GPR158: variants seen among roughly 807,000 people sequenced by gnomAD.
GPR158 encodes G protein-coupled receptor 158, also known as metabotropic glycine receptor.
A neutral mutation model predicts 78.2 loss-of-function variants in GPR158; 30 were observed. That is an observed-to-expected ratio of 0.38 (90% CI 0.29 to 0.52). The LOEUF is 0.52. Among genes scored for constraint, GPR158 ranks in the 20% least tolerant of loss-of-function variants. The pLI is 0.83. For synonymous variants in GPR158, 581 were observed against 591.1 expected (o/e 0.98, Z 0.25); for missense variants, 1,463 against 1,523.5 (o/e 0.96, Z 0.66).
chr10:25,232,188 T>G (rs1441177177), intron 2 of GPR158, among the ~76,000 whole-genome samples: 1 of 152,156 alleles, frequency 6.6e-6, no homozygotes, highest in Non-Finnish European at 1.5e-5. Context: ...GCAGAAAAAT[T>G]GCTACTTGTC....
At chr10:25,324,383 C>T (rs1011503430) in intron 2 of GPR158, among the ~76,000 whole-genome samples, 4 of 152,010 alleles carry the variant, frequency 2.6e-5, no homozygotes, top group African/African-American at 9.7e-5. Flanking sequence ...ATAGAGAGGC[C>T]CCAGGAGTGA....
intron 2 of GPR158, among the ~76,000 whole-genome samples, chr10:25,319,791 G>T (rs1022827101): frequency 2.0e-5 from 3 of 151,132 alleles, no homozygotes; most frequent in African/African-American, 7.3e-5. Flanking sequence ...TATACTCATG[G>T]ATGGTGACAG....
intron 2 of GPR158, among the ~76,000 whole-genome samples, chr10:25,338,497 G>A (rs190841602): frequency 1.6e-4 from 20 of 121,556 alleles, no homozygotes; most frequent in African/African-American, 3.6e-4. Context: ...TATAATATAC[G>A]TATATATATT....
intron 4 of GPR158, among the ~76,000 whole-genome samples, chr10:25,439,861 A>G (rs1835045457): frequency 6.6e-6 from 1 of 152,178 alleles, no homozygotes; most frequent in Admixed American, 6.5e-5. Context: ...GTTCTTTGGC[A>G]TTCTCTCTTC....
In GPR158 at chr10:25,176,232, A is replaced by G. The variant is rs139528705; in HGVS notation, c.812A>G (p.Glu271Gly). The G allele has an allele frequency of 7.6e-4, 1,221 of 1,605,444 alleles. 4 individuals are homozygous for G. Among genetic ancestry groups the G allele is most frequent in the Non-Finnish European group, 9.8e-4 (1,148 of 1,176,960 alleles). Reference protein sequence around the residue: ...SHFKWSPPYLECENGSYKPGW... With the variant: ...SHFKWSPPYLGCENGSYKPGW... Reference sequence around the variant, plus strand: ...TTCAAGTGGTCTCCGCCTTATCTGGAGTGCGAGAACGGGAGTTACAAGCCC... The same window carrying G: ...TTCAAGTGGTCTCCGCCTTATCTGGGGTGCGAGAACGGGAGTTACAAGCCC... The change falls in exon 1 of 11, where the codon GAG (glutamate) becomes GGG (glycine). Residue 271 changes from glutamate (E) to glycine (G), a missense_variant. Coordinates refer to ENST00000376351, the MANE Select transcript of GPR158 (RefSeq NM_020752.3). This position sits in a 1 kb window ranked among gnomAD's most constrained non-coding sequence, Gnocchi z 6.3.
At chr10:25,252,022 C>CT (rs1298621588) in intron 2 of GPR158, among the ~76,000 whole-genome samples, 35 of 151,048 alleles carry the variant, frequency 2.3e-4, no homozygotes, top group South Asian at 2.1e-3. Context: ...TCTTTTTATT[C>CT]TTTTTTCTCT....
chr10:25,489,369 T>C (rs1250188537), intron 5 of GPR158, among the ~76,000 whole-genome samples: 3 of 152,140 alleles, frequency 2.0e-5, no homozygotes, highest in Non-Finnish European at 2.9e-5. Flanking sequence ...ATCCCATACT[T>C]CTAAGTTTTC....
chr10:25,343,852 A>T (rs1855335852), intron 2 of GPR158, among the ~76,000 whole-genome samples: 1 of 152,010 alleles, frequency 6.6e-6, no homozygotes, highest in Non-Finnish European at 1.5e-5. Context: ...TTGTCAACAT[A>T]TACTCAAGAA....
intron 5 of GPR158, among the ~76,000 whole-genome samples, chr10:25,486,381 T>TGA (rs71399975): frequency 0.72 from 109,732 of 151,806 alleles, 40,598 homozygotes; most frequent in East Asian, 0.99. Context: ...ACTAGCTGTG[T>TGA]CGTTGGGTTA....
intron 4 of GPR158, among the ~76,000 whole-genome samples, chr10:25,433,531 GGTGTGTGTGTGTGTGTTGTGTGTGT>G (rs1404612828): frequency 7.1e-6 from 1 of 140,290 alleles, no homozygotes; most frequent in African/African-American, 2.7e-5. Flanking sequence ...TTTAGTTAGG[GGTGTGTGTGTGTGTGTTGTGTGTGT>G]GTGTGTGTGT....
intron 2 of GPR158, among the ~76,000 whole-genome samples, chr10:25,391,968 C>T (rs1051055570): frequency 3.9e-5 from 6 of 152,056 alleles, no homozygotes; most frequent in Non-Finnish European, 7.4e-5. Flanking sequence ...ATAAGTCTCA[C>T]GAGATCTGAT....
At chr10:25,275,702 A>G (rs1242072827) in intron 2 of GPR158, among the ~76,000 whole-genome samples, 1 of 152,208 alleles carries the variant, frequency 6.6e-6, no homozygotes, top group Non-Finnish European at 1.5e-5. Context: ...TGCCATGATA[A>G]AGCATTTACA....
intron 2 of GPR158, among the ~76,000 whole-genome samples, chr10:25,233,125 A>G (rs1334058): frequency 0.22 from 33,289 of 152,126 alleles, 6,294 homozygotes; most frequent in African/African-American, 0.5. Context: ...AGAGGGACTT[A>G]TAAGTCTGGA....
At chr10:25,507,736 C>G (rs1054512541) in intron 5 of GPR158, among the ~76,000 whole-genome samples, 1 of 152,154 alleles carries the variant, frequency 6.6e-6, no homozygotes, top group African/African-American at 2.4e-5. Flanking sequence ...TCAGAGTCAT[C>G]AGTTAATTTC....
chr10:25,340,762 C>T (rs1855291131), intron 2 of GPR158, among the ~76,000 whole-genome samples: 1 of 151,930 alleles, frequency 6.6e-6, no homozygotes, highest in Non-Finnish European at 1.5e-5. Context: ...CTATGTGTTA[C>T]CGAGGTCCTA....
intron 2 of GPR158, among the ~76,000 whole-genome samples, chr10:25,339,889 G>C (rs1855278362): frequency 6.6e-6 from 1 of 152,100 alleles, no homozygotes; most frequent in African/African-American, 2.4e-5. Context: ...TTTGTGTACA[G>C]CTGGGTTCAT....
At chr10:25,564,980 G>A (rs1386767398) in intron 6 of GPR158, among the ~76,000 whole-genome samples, 1 of 152,126 alleles carries the variant, frequency 6.6e-6, no homozygotes, top group Admixed American at 6.6e-5. Context: ...AAAACAGGTA[G>A]ATAACTGCCA....
intron 1 of GPR158, among the ~76,000 whole-genome samples, chr10:25,192,020 A>G (rs1487779661): frequency 6.6e-6 from 1 of 152,142 alleles, no homozygotes; most frequent in East Asian, 1.9e-4. Flanking sequence ...TCCTGTATTC[A>G]GTGCCTGATA....
chr10:25,287,301 C>T (rs1473812682), intron 2 of GPR158, among the ~76,000 whole-genome samples: 2 of 151,982 alleles, frequency 1.3e-5, no homozygotes, highest in Non-Finnish European at 2.9e-5. Flanking sequence ...GCACATCTTT[C>T]TTGACCCTCC....
Sources: gnomAD v4.1 joint callset for allele counts (sites outside exome capture counted in the v4.1 genomes callset) on GRCh38, gnomAD v4.1.1 for gene constraint, Gnocchi (gnomAD v3.1) non-coding constraint, MANE v1.5 for transcripts, NCBI Gene and HGNC (gene_info 2026-07-23, HGNC 2026-07-21) for gene names.